NEK10: variants seen among roughly 807,000 people sequenced by gnomAD.
The protein encoded by NEK10 is serine/threonine-protein kinase Nek10.
NEK10 carries 122 observed loss-of-function variants against 159.8 expected under a neutral mutation model. The ratio of observed to expected loss-of-function variants is 0.76; its 90% confidence interval spans 0.66 to 0.89. The LOEUF (loss-of-function observed/expected upper bound fraction) is 0.89. Among genes scored for constraint, NEK10 ranks in the 40% least tolerant of loss-of-function variants. The pLI, the probability that NEK10 is intolerant of heterozygous loss-of-function variation, is 0.00. For missense variants in NEK10, 1,342 were observed against 1,323.1 expected, an observed-to-expected ratio of 1.01 and a Z score of -0.22; for synonymous variants, 466 against 457.1, an observed-to-expected ratio of 1.02 and a Z score of -0.25.
At chr3:27,162,060 A>T (rs1237177355) in intron 30 of NEK10, among the ~76,000 whole-genome samples, 2 of 152,168 alleles carry the variant, frequency 1.3e-5, no homozygotes, top group Non-Finnish European at 2.9e-5. Flanking sequence ...TTATTTGTGT[A>T]AGGGTAGAGG....
chr3:27,279,907 C>T (rs533047442), intron 22 of NEK10, among the ~76,000 whole-genome samples: 9 of 152,124 alleles, frequency 5.9e-5, no homozygotes, highest in South Asian at 2.1e-4. Context: ...CGGTGGCTCA[C>T]GCCTGTAATC....
Position 27,271,420 on chromosome 3 carries a change from A to G in NEK10, c.2014+13182T>C, listed in dbSNP as rs200802973. On this transcript the variant is annotated intron_variant, in intron 22 of 35. Coordinates refer to ENST00000691995, the MANE Select transcript of NEK10 (RefSeq NM_001394966.1). ...CAACTTCAATATTTTTAGGGAGCCC[A>G]CTATAATTTTAGCATACAATTCTTG... is the stretch of plus-strand genomic sequence containing the variant. Among the ~76,000 whole-genome samples the G allele has an allele frequency of 4.6e-5, 7 of 152,290 alleles. No individual in the cohort carries two copies. The East Asian group carries it at 1.2e-3, about 25-fold the overall frequency.
intron 23 of NEK10, among the ~76,000 whole-genome samples, chr3:27,253,801 A>G (rs1955900320): frequency 6.6e-6 from 1 of 152,218 alleles, no homozygotes; most frequent in South Asian, 2.1e-4. Context: ...AGACAAGCTT[A>G]GAAAAATTAA....
chr3:27,181,056 C>T (rs149380169), intron 26 of NEK10, among the ~76,000 whole-genome samples: 182 of 152,174 alleles, frequency 1.2e-3, no homozygotes, highest in African/African-American at 3.7e-3. Context: ...TTTGGTCATG[C>T]TACTCCTTCT....
chr3:27,320,981 C>A (rs1280260935), intron 6 of NEK10, among the ~76,000 whole-genome samples: 2 of 152,138 alleles, frequency 1.3e-5, no homozygotes, highest in Non-Finnish European at 2.9e-5. Context: ...TAAGATAGCT[C>A]CCACTGGGAT....
intron 19 of NEK10, among the ~76,000 whole-genome samples, chr3:27,287,978 C>A (rs1006449734): frequency 1.2e-4 from 18 of 152,240 alleles, no homozygotes; most frequent in Middle Eastern, 3.4e-3. Flanking sequence ...AAATTAAAAA[C>A]GTTCTATCAC....
At position 27,235,083 on chromosome 3, in the gene NEK10, C is replaced by T. The variant is rs140295590; in HGVS notation, c.2090+21213G>A. 3.0e-3 allele frequency among the ~76,000 whole-genome samples: 454 copies of T among 152,062 alleles called. 4 individuals carry two copies. Among genetic ancestry groups the T allele is most frequent in the African/African-American group, 9.2e-3 (384 of 41,536 alleles). ...CCACAAGCAGAAAATTGAAACTGAA[C>T]CCCTTTCTTATACCACACACAAAAA... On this transcript the variant is annotated intron_variant, in intron 23 of 35. Transcript: ENST00000691995.
chr3:27,119,723 T>A, intron 33 of NEK10, 37 bp downstream of exon 33: 1 of 1,480,626 alleles, frequency 6.8e-7, no homozygotes, highest in Admixed American at 1.7e-5. Context: ...ATATATTTCT[T>A]CATGAAAGCC....
chr3:27,234,812 T>A (rs1432348544), intron 23 of NEK10, among the ~76,000 whole-genome samples: 1 of 151,874 alleles, frequency 6.6e-6, no homozygotes, highest in Non-Finnish European at 1.5e-5. Flanking sequence ...GCCAAGGAGA[T>A]CCTAAGCAAA....
intron 5 of NEK10, among the ~76,000 whole-genome samples, chr3:27,326,556 C>T (rs1045608980): frequency 7.3e-5 from 11 of 151,650 alleles, no homozygotes; most frequent in African/African-American, 2.4e-4. Flanking sequence ...TTCCTTCCCA[C>T]CTCCCAGGAA....
chr3:27,289,850 G>A (rs2042876523), intron 19 of NEK10, among the ~76,000 whole-genome samples: 1 of 152,182 alleles, frequency 6.6e-6, no homozygotes, highest in Non-Finnish European at 1.5e-5. Flanking sequence ...GTACACACTG[G>A]AGTAGAACTA....
intron 23 of NEK10, among the ~76,000 whole-genome samples, chr3:27,237,251 C>T (rs1046612250): frequency 6.6e-6 from 1 of 152,116 alleles, no homozygotes; most frequent in Non-Finnish European, 1.5e-5. Context: ...TCATATTGTT[C>T]AAACATGCAT....
At chr3:27,288,106 A>T (rs2042747477) in intron 19 of NEK10, among the ~76,000 whole-genome samples, 1 of 152,224 alleles carries the variant, frequency 6.6e-6, no homozygotes. Context: ...GAAAAGTGAA[A>T]TGCGGTAACT....
intron 23 of NEK10, among the ~76,000 whole-genome samples, chr3:27,251,707 A>C (rs1413660138): frequency 1.3e-5 from 2 of 152,202 alleles, no homozygotes; most frequent in African/African-American, 4.8e-5. Context: ...ACGATCTAAC[A>C]CATCTCTTTT....
At chr3:27,202,104 T>G (rs1472074537) in intron 24 of NEK10, among the ~76,000 whole-genome samples, 2 of 152,108 alleles carry the variant, frequency 1.3e-5, no homozygotes, top group Non-Finnish European at 2.9e-5. Context: ...TGAGCCAAGA[T>G]CATGTCACTG....
intron 5 of NEK10, among the ~76,000 whole-genome samples, chr3:27,329,320 G>A (rs976634103): frequency 4.6e-5 from 7 of 152,108 alleles, no homozygotes; most frequent in South Asian, 2.1e-4. Flanking sequence ...TATTAGCGAC[G>A]TGAAAACAGA....
rs1373225922 is a variant in NEK10 at position 27,132,032 on chromosome 3, A to G, written c.2971-42T>C. Reference sequence around the variant, plus strand: ...AACAATCATTATAAACAAATTGTTAACACTACACAGCTGACTACAAAAAGC... The same window carrying G: ...AACAATCATTATAAACAAATTGTTAGCACTACACAGCTGACTACAAAAAGC... On this transcript the variant is annotated intron_variant, in intron 31 of 35. Transcript: ENST00000691995. 8 of 1,139,008 alleles carry G rather than the reference A, an allele frequency of 7.0e-6. No homozygotes were observed. In the Admixed American group the frequency reaches 1.4e-4, roughly 20 times the overall value. 70.6% of individuals were successfully genotyped at this position (1,139,008 alleles called of 1,614,324 possible). A position where few individuals can be genotyped will look rare whatever the true frequency, so the allele number is the denominator to read the frequency against.
rs950622525 is a variant in NEK10, at chr3:27,317,026, G to C, written c.448-2688C>G. ...ATTACTCCTGTGGAATAAAGTTTGA[G>C]AAGTGCTGCTATAGAGTAGAAGAAT... On this transcript the variant is annotated intron_variant, in intron 6 of 35. Coordinates refer to ENST00000691995, the MANE Select transcript of NEK10 (RefSeq NM_001394966.1). Among the ~76,000 whole-genome samples the C allele has an allele frequency of 3.3e-5, 5 of 152,316 alleles. No individual in the cohort carries two copies. The South Asian group carries it at 1.0e-3, about 32-fold the overall frequency.
chr3:27,193,232 C>T (rs1306004714), intron 25 of NEK10, among the ~76,000 whole-genome samples: 1 of 152,180 alleles, frequency 6.6e-6, no homozygotes, highest in Non-Finnish European at 1.5e-5. Flanking sequence ...CACATCCTTC[C>T]CCTGTAATCC....
Sources: allele counts gnomAD v4.1 joint callset (sites outside exome capture counted in the v4.1 genomes callset), GRCh38; gene constraint gnomAD v4.1.1; transcripts MANE v1.5; gene names NCBI Gene and HGNC (gene_info 2026-07-23, HGNC 2026-07-21).